ANO6: variants seen among roughly 807,000 people sequenced by gnomAD.
ANO6 encodes the protein anoctamin-6.
Under a neutral mutation model 117.5 loss-of-function variants are expected in ANO6, and 106 were observed. The ratio of observed to expected loss-of-function variants is 0.90; its 90% CI spans 0.77 to 1.06. The LOEUF (loss-of-function observed/expected upper bound fraction) is 1.06, where lower values mean the gene tolerates loss of function less well. Ranked by LOEUF, ANO6 falls within the 50% of genes least tolerant of loss-of-function variation. ANO6 has a pLI of 0.00. For synonymous variants in ANO6, 367 were observed against 385.1 expected (o/e 0.95, Z 0.55); for missense variants, 955 against 1,121.1 (o/e 0.85, Z 2.12).
chr12:45,432,607 T>TA (rs1456665000), downstream of ANO6, among the ~76,000 whole-genome samples: 1 of 152,368 alleles, frequency 6.6e-6, no homozygotes, highest in East Asian at 1.9e-4. Flanking sequence ...TACCACTTTT[T>TA]ACCAGACTTT....
In ANO6 at chr12:45,293,729, G is replaced by GTTTTTTTTTTTTTTT. The variant is rs138396024; in HGVS notation, c.71-8272_71-8258dup. On this transcript the variant is annotated intron_variant, in intron 1 of 19. Coordinates refer to ENST00000320560, the MANE Select transcript of ANO6 (RefSeq NM_001025356.3). ...GTGCCTGCCACCATGCCTGGCTAAT[G>GTTTTTTTTTTTTTTT]TTTTTTTTTTTTTTTTTTTTTTTTT... Among the ~76,000 whole-genome samples the GTTTTTTTTTTTTTTT allele has an allele frequency of 1.9e-4, 9 of 48,402 alleles. 1 individual carries two copies. The highest frequency in any genetic ancestry group is 3.5e-4 in the Admixed American group (1 of 2,896). 31.8% of individuals were successfully genotyped at this position (48,402 alleles called of 152,430 possible). A position where few individuals can be genotyped will look rare whatever the true frequency, so the allele number is the denominator to read the frequency against.
rs115698601 is a variant in ANO6 at position 45,240,618 on chromosome 12, G to A, written c.70+24227G>A. 8.1e-4 allele frequency among the ~76,000 whole-genome samples: 123 copies of A among 152,034 alleles called. 1 individual carries two copies. Among genetic ancestry groups the A allele is most frequent in the African/African-American group, 2.9e-3 (119 of 41,478 alleles). ...ATGATCTTCGCTGGTTATTTTGACC[G>A]TTAATTGAGGCACTTTCTTCATAGC... On this transcript the variant is annotated intron_variant, in intron 1 of 19. Transcript: ENST00000320560.
chr12:45,336,872 A>C (rs1940840985), intron 3 of ANO6, among the ~76,000 whole-genome samples: 1 of 152,058 alleles, frequency 6.6e-6, no homozygotes, highest in Non-Finnish European at 1.5e-5. Flanking sequence ...CTGTTATCAC[A>C]GGAGATGACA....
intron 8 of ANO6, among the ~76,000 whole-genome samples, chr12:45,360,248 A>G (rs1941520464): frequency 6.6e-6 from 1 of 152,224 alleles, no homozygotes; most frequent in Non-Finnish European, 1.5e-5. Flanking sequence ...TCTACTTTTC[A>G]TAGTTACAGA....
rs1937633021 is a variant in ANO6 at position 45,251,731 on chromosome 12, C to T, written c.70+35340C>T. Among the ~76,000 whole-genome samples, 3 of 152,178 alleles carry T rather than the reference C, an allele frequency of 2.0e-5. No homozygotes were observed. The South Asian group carries it at 6.2e-4, about 32-fold the overall frequency. On this transcript the variant is annotated intron_variant, in intron 1 of 19. Coordinates refer to ENST00000320560, the MANE Select transcript of ANO6 (RefSeq NM_001025356.3). ...CAGGGGGAGGGGCCGTAGCCTCCAT[C>T]ATCTAATGAGAGGAGTTTTAAAGGC...
chr12:45,421,871 A>G (rs751805996), intron 18 of ANO6, among the ~76,000 whole-genome samples: 6 of 152,332 alleles, frequency 3.9e-5, no homozygotes, highest in South Asian at 2.1e-4. Flanking sequence ...TAAATTACCA[A>G]TTGATAAAGT....
chr12:45,385,601 G>A (rs1204314553), intron 10 of ANO6, among the ~76,000 whole-genome samples: 1 of 152,070 alleles, frequency 6.6e-6, no homozygotes, highest in African/African-American at 2.4e-5. Context: ...AGACCAGCAT[G>A]GCTCAGCTGG....
chr12:45,238,752 G>C (rs1406514992), intron 1 of ANO6, among the ~76,000 whole-genome samples: 3 of 152,086 alleles, frequency 2.0e-5, no homozygotes, highest in Non-Finnish European at 4.4e-5. Context: ...TAGCATGAAG[G>C]GCTGTTGAAT....
intron 11 of ANO6, 85 bp downstream of exon 11, chr12:45,388,388 G>A (rs943505594): frequency 1.1e-5 from 17 of 1,561,322 alleles, no homozygotes; most frequent in Non-Finnish European, 1.2e-5. Flanking sequence ...TCACTTGGGG[G>A]AGCTTAAAAA....
intron 1 of ANO6, among the ~76,000 whole-genome samples, chr12:45,241,254 TC>T (rs1349845232): frequency 6.6e-6 from 1 of 152,202 alleles, no homozygotes; most frequent in East Asian, 1.9e-4. Flanking sequence ...CGTTTCTTTT[TC>T]TTCTTTTTTC....
At chr12:45,397,595 C>A (rs878975711) in intron 12 of ANO6, among the ~76,000 whole-genome samples, 6 of 152,080 alleles carry the variant, frequency 3.9e-5, no homozygotes, top group African/African-American at 7.2e-5. Context: ...CAAATGTCCA[C>A]CAATGATAGA....
At chr12:45,229,450 C>T (rs979655179) in intron 1 of ANO6, among the ~76,000 whole-genome samples, 9 of 138,136 alleles carry the variant, frequency 6.5e-5, no homozygotes, top group Non-Finnish European at 9.1e-5. Context: ...AGTGCAATGG[C>T]GTGATCTCAG....
chr12:45,245,511 TTGCTTGCCTGAATC>T (rs1947811628), intron 1 of ANO6, among the ~76,000 whole-genome samples: 2 of 151,906 alleles, frequency 1.3e-5, no homozygotes, highest in Non-Finnish European at 2.9e-5. Context: ...GAAAATGTAT[TTGCTTGCCTGAATC>T]TGCTTTTTCA....
At chr12:45,417,086 AT>A (rs1426458056) in intron 17 of ANO6, among the ~76,000 whole-genome samples, 182 bp downstream of exon 17, 1 of 152,192 alleles carries the variant, frequency 6.6e-6, no homozygotes, top group African/African-American at 2.4e-5. Context: ...GTATATAATT[AT>A]TTTTAACTGT....
At chr12:45,420,792 C>T (rs1048653255) in intron 17 of ANO6, among the ~76,000 whole-genome samples, 23 of 151,922 alleles carry the variant, frequency 1.5e-4, no homozygotes, top group Non-Finnish European at 4.4e-5. Flanking sequence ...GGGCAGATCA[C>T]CTGAGACCAG....
chr12:45,330,156 C>T (rs1940615161), intron 2 of ANO6, among the ~76,000 whole-genome samples: 1 of 151,988 alleles, frequency 6.6e-6, no homozygotes, highest in Non-Finnish European at 1.5e-5. Flanking sequence ...AAAAACCTGC[C>T]AATTAGGAAC....
intron 1 of ANO6, among the ~76,000 whole-genome samples, chr12:45,281,276 T>C (rs1025203385): frequency 1.3e-5 from 2 of 152,380 alleles, no homozygotes; most frequent in South Asian, 4.1e-4. Flanking sequence ...CTCATGATGC[T>C]TGTAGTCTCT....
At chr12:45,301,785 A>G (rs1939497711) in intron 1 of ANO6, among the ~76,000 whole-genome samples, 1 of 152,186 alleles carries the variant, frequency 6.6e-6, no homozygotes, top group African/African-American at 2.4e-5. Context: ...TTGCCTAGAG[A>G]ATTTTAAGAC....
At chr12:45,368,334 T>G (rs1003088834) in intron 9 of ANO6, among the ~76,000 whole-genome samples, 3 of 152,184 alleles carry the variant, frequency 2.0e-5, no homozygotes, top group African/African-American at 7.2e-5. Context: ...CTTAATTCAA[T>G]TAAGTGGAAA....
Sources: allele counts gnomAD v4.1 joint callset (sites outside exome capture counted in the v4.1 genomes callset), GRCh38; gene constraint gnomAD v4.1.1; transcripts MANE v1.5; gene names NCBI Gene and HGNC (gene_info 2026-07-23, HGNC 2026-07-21).